Variants in DZIP3 observed in about 807,000 individuals in gnomAD.
DZIP3 encodes E3 ubiquitin-protein ligase DZIP3.
A neutral mutation model predicts 162.0 loss-of-function variants in DZIP3; 118 were observed. The ratio of observed to expected loss-of-function variants is 0.73; its 90% CI spans 0.63 to 0.85. The LOEUF (loss-of-function observed/expected upper bound fraction) is 0.85, where lower values mean the gene tolerates loss of function less well. Ranked by LOEUF, DZIP3 falls within the 40% of genes least tolerant of loss-of-function variation. The pLI is 0.00. For synonymous variants in DZIP3, 438 were observed against 458.6 expected, an observed-to-expected ratio of 0.96 and a Z score of 0.57; for missense variants, 1,331 against 1,407.0, an observed-to-expected ratio of 0.95 and a Z score of 0.86.
At chr3:108,613,776 A>ATAG in intron 4 of DZIP3, among the ~76,000 whole-genome samples, 1 of 152,190 alleles carries the variant, frequency 6.6e-6, no homozygotes, top group East Asian at 1.9e-4. Context: ...GAGTATCAAA[A>ATAG]TATACAGAGT....
chr3:108,608,434 T>C (rs1438468552), intron 3 of DZIP3, among the ~76,000 whole-genome samples: 3 of 152,132 alleles, frequency 2.0e-5, no homozygotes, highest in Non-Finnish European at 2.9e-5. Flanking sequence ...CAACAATCAT[T>C]TTTAAGAAAT....
intron 28 of DZIP3, among the ~76,000 whole-genome samples, chr3:108,687,538 G>A (rs529546766): frequency 8.6e-5 from 13 of 152,028 alleles, no homozygotes; most frequent in African/African-American, 3.1e-4. Context: ...TGAGTTTTAC[G>A]AAAGTACAAC....
intron 3 of DZIP3, 39 bp from the exon 4 acceptor site, chr3:108,611,135 T>G (rs1449060964): frequency 4.6e-6 from 7 of 1,533,428 alleles, no homozygotes; most frequent in Non-Finnish European, 5.2e-6. Flanking sequence ...AATGAGAATA[T>G]GCAAACTGTG....
intron 21 of DZIP3, among the ~76,000 whole-genome samples, chr3:108,668,025 T>A (rs1487651040): frequency 6.6e-6 from 1 of 152,170 alleles, no homozygotes; most frequent in African/African-American, 2.4e-5. Context: ...TGATAAAATA[T>A]AAATATTCTT....
chr3:108,616,301 T>TAAATA (rs1463190605), intron 4 of DZIP3, among the ~76,000 whole-genome samples: 1 of 145,336 alleles, frequency 6.9e-6, no homozygotes, highest in South Asian at 2.2e-4. Flanking sequence ...AATAAATAAA[T>TAAATA]AAATAAAATA....
chr3:108,669,671 G>A lies in DZIP3; in HGVS notation c.2424-10G>A. On this transcript the variant is annotated splice_polypyrimidine_tract_variant and intron_variant, in intron 21 of 32. Coordinates refer to ENST00000361582, the MANE Select transcript of DZIP3 (RefSeq NM_014648.4). ...CTAACATCTTTTGACTTTCTTGCTTGTTTGCTTAGATTACAGCGTCAAATC... is the reference window on the plus strand; with the variant it reads ...CTAACATCTTTTGACTTTCTTGCTTATTTGCTTAGATTACAGCGTCAAATC... 1.2e-6 allele frequency: 2 copies of A among 1,609,860 alleles called. No homozygotes were observed. Among genetic ancestry groups the A allele is most frequent in the South Asian group, 2.2e-5 (2 of 90,736 alleles).
intron 17 of DZIP3, among the ~76,000 whole-genome samples, chr3:108,649,419 C>T (rs1942769342): frequency 6.6e-6 from 1 of 151,816 alleles, no homozygotes; most frequent in Non-Finnish European, 1.5e-5. Context: ...ATACAAACTT[C>T]TTGCGTTGCT....
chr3:108,630,817 AAG>A (rs1302103300), intron 8 of DZIP3, among the ~76,000 whole-genome samples: 1 of 152,016 alleles, frequency 6.6e-6, no homozygotes, highest in Non-Finnish European at 1.5e-5. Context: ...GACTTAAAAT[AAG>A]AGTTTCTGTT....
chr3:108,648,832 TCA>T, intron 16 of DZIP3, 84 bp from the exon 17 acceptor site: 1 of 643,396 alleles, frequency 1.6e-6, no homozygotes, highest in South Asian at 2.1e-5. Flanking sequence ...ACAAAAGATC[TCA>T]GTGGTGAGAG....
At chr3:108,681,644 A>C (rs1944314010) in intron 26 of DZIP3, among the ~76,000 whole-genome samples, 1 of 152,128 alleles carries the variant, frequency 6.6e-6, no homozygotes, top group African/African-American at 2.4e-5. Context: ...TGTTTATTGC[A>C]GCCCTGTTCA....
At chr3:108,618,203 T>C (rs552271902) in intron 5 of DZIP3, among the ~76,000 whole-genome samples, 51 of 152,334 alleles carry the variant, frequency 3.3e-4, no homozygotes, top group Admixed American at 7.2e-4. Context: ...AGGTTAGAAA[T>C]GTACAACTTG....
intron 16 of DZIP3, 111 bp downstream of exon 16, chr3:108,648,223 T>C (rs926797438): frequency 5.0e-5 from 53 of 1,057,932 alleles, no homozygotes; most frequent in Non-Finnish European, 6.6e-5. Flanking sequence ...ATTTTCATAG[T>C]GTTTATACAG....
chr3:108,684,172 TG>T lies in DZIP3; in HGVS notation c.2884-35del, dbSNP rs146441770. The T allele has an allele frequency of 3.0e-3, 4,414 of 1,465,600 alleles. 18 individuals are homozygous for T. The highest frequency in any genetic ancestry group is 0.027 in the African/African-American group (1,897 of 69,528). 90.8% of individuals were successfully genotyped at this position (1,465,600 alleles called of 1,614,324 possible). A position where few individuals can be genotyped will look rare whatever the true frequency, so the allele number is the denominator to read the frequency against. ...TTGCCTAAATAAATATATAAATATGTGGGGGGGGGTGTTGTTTATTATTGTT... is the reference window on the plus strand; with the variant it reads ...TTGCCTAAATAAATATATAAATATGTGGGGGGGGTGTTGTTTATTATTGTT... On this transcript the variant is annotated intron_variant, in intron 26 of 32. Coordinates refer to ENST00000361582, the MANE Select transcript of DZIP3 (RefSeq NM_014648.4).
intron 5 of DZIP3, among the ~76,000 whole-genome samples, chr3:108,619,272 G>A (rs1941198135): frequency 6.6e-6 from 1 of 150,580 alleles, no homozygotes; most frequent in African/African-American, 2.4e-5. Context: ...TTTTTGCTGT[G>A]TGTGTGTATG....
chr3:108,615,796 A>G (rs1940971256), intron 4 of DZIP3, among the ~76,000 whole-genome samples: 2 of 152,220 alleles, frequency 1.3e-5, no homozygotes, highest in Non-Finnish European at 2.9e-5. Flanking sequence ...AAAATGGTTT[A>G]CCCTTGTATT....
At chr3:108,603,543 A>C (rs1230814481) in intron 1 of DZIP3, among the ~76,000 whole-genome samples, 3 of 152,208 alleles carry the variant, frequency 2.0e-5, no homozygotes, top group African/African-American at 7.2e-5. Context: ...TATCTAGGAA[A>C]ACTGTATTCA....
At chr3:108,642,389 T>G in intron 12 of DZIP3, 49 bp from the exon 13 acceptor site, 1 of 1,436,936 alleles carries the variant, frequency 7.0e-7, no homozygotes, top group Admixed American at 2.3e-5. Flanking sequence ...CTTGACTGAC[T>G]TTGGTATTAT....
In DZIP3 at chr3:108,654,237, T is replaced by G; in HGVS notation, c.2126T>G (p.Val709Gly). ...SRLIKDDASD[V>G]QEDSAMEDKF... ...CTTATAAAAGATGATGCAAGTGATGTTCAAGAGGATTCTGCAATGGAAGAC... is the reference window on the plus strand; with the variant it reads ...CTTATAAAAGATGATGCAAGTGATGGTCAAGAGGATTCTGCAATGGAAGAC... The change falls in exon 19 of 33, where the codon GTT becomes GGT. Residue 709 changes from valine (V) to glycine (G), a missense_variant. By Grantham distance (109) the Val-to-Gly change is moderately radical. Coordinates refer to ENST00000361582, the MANE Select transcript of DZIP3 (RefSeq NM_014648.4). The G allele has an allele frequency of 6.2e-7, 1 of 1,613,816 alleles. No individual in the cohort carries two copies. The highest frequency in any genetic ancestry group is 8.5e-7 in the Non-Finnish European group (1 of 1,179,766).
At chr3:108,611,056 C>G (rs1940677384) in intron 3 of DZIP3, 118 bp from the exon 4 acceptor site, 2 of 954,676 alleles carry the variant, frequency 2.1e-6, no homozygotes, top group Non-Finnish European at 3.1e-6. Flanking sequence ...GTCATAGAAG[C>G]TAGGAGAACA....
Sources: allele counts gnomAD v4.1 joint callset (sites outside exome capture counted in the v4.1 genomes callset), GRCh38; gene constraint gnomAD v4.1.1; transcripts MANE v1.5; gene names NCBI Gene and HGNC (gene_info 2026-07-23, HGNC 2026-07-21).